Variants in FBXO28 observed in about 807,000 individuals in gnomAD.
The protein encoded by FBXO28 is F-box protein 28.
In FBXO28, 8 loss-of-function variants were observed where a neutral mutation model predicts 38.1. That is an observed-to-expected ratio of 0.21 (90% CI 0.12 to 0.38). The LOEUF (loss-of-function observed/expected upper bound fraction) is 0.38. Ranked by LOEUF, FBXO28 falls within the 10% of genes least tolerant of loss-of-function variation. FBXO28 has a pLI of 1.00. For synonymous variants in FBXO28, 168 were observed against 173.8 expected (o/e 0.97, Z 0.26); for missense variants, 345 against 460.6 (o/e 0.75, Z 2.30).
rs191669653 is a variant in FBXO28, at chr1:224,123,321, A to G, written c.268-7151A>G. Among the ~76,000 whole-genome samples the G allele has an allele frequency of 2.8e-3, 422 of 151,802 alleles. 1 individual carries two copies. Among genetic ancestry groups the G allele is most frequent in the African/African-American group, 9.6e-3 (399 of 41,420 alleles). ...CACTTTGGGAGACCGAGGTGGGTGG[A>G]TCACTTGAGCCCAGGAGGCTGAGGT... On this transcript the variant is annotated intron_variant, in intron 1 of 4. Coordinates refer to ENST00000366862, the MANE Select transcript of FBXO28 (RefSeq NM_015176.4).
At chr1:224,157,229 T>C in intron 4 of FBXO28, 123 bp from the exon 5 acceptor site, 4 of 1,213,928 alleles carry the variant, frequency 3.3e-6, no homozygotes, top group Non-Finnish European at 2.3e-6. Flanking sequence ...ACCAAATGGA[T>C]TGCAAAGAAG....
At chr1:224,149,507 T>C (rs1193549622) in intron 3 of FBXO28, among the ~76,000 whole-genome samples, 10 of 152,178 alleles carry the variant, frequency 6.6e-5, no homozygotes, top group East Asian at 3.8e-4. Context: ...CAAATTCTTG[T>C]GTTGAATTAA....
intron 4 of FBXO28, among the ~76,000 whole-genome samples, chr1:224,155,483 G>A (rs1180111587): frequency 6.6e-6 from 1 of 152,134 alleles, no homozygotes; most frequent in Non-Finnish European, 1.5e-5. Context: ...AAAAGAAAGG[G>A]TTCATAAGGC....
chr1:224,157,117 G>A (rs1019144019), intron 4 of FBXO28, among the ~76,000 whole-genome samples: 12 of 151,844 alleles, frequency 7.9e-5, no homozygotes, highest in Admixed American at 2.0e-4. Flanking sequence ...GCCCTTCTCC[G>A]TTTCCTGGCA....
At chr1:224,118,933 A>G (rs1374129705) in intron 1 of FBXO28, among the ~76,000 whole-genome samples, 1 of 152,114 alleles carries the variant, frequency 6.6e-6, no homozygotes, top group East Asian at 1.9e-4. Context: ...CTTCTGGAAA[A>G]TTCCACTGGA....
At chr1:224,114,620 G>T (rs1055820079) in intron 1 of FBXO28, among the ~76,000 whole-genome samples, 4 of 65,796 alleles carry the variant, frequency 6.1e-5, no homozygotes, top group African/African-American at 1.6e-4. Flanking sequence ...TTCCTGAGGG[G>T]ACTTCGCCTT....
chr1:224,139,344 A>G (rs1657282398), intron 3 of FBXO28, among the ~76,000 whole-genome samples: 1 of 151,726 alleles, frequency 6.6e-6, no homozygotes, highest in Admixed American at 6.6e-5. Context: ...TGTAATTTCA[A>G]GTTTACACAA....
chr1:224,144,077 G>A (rs7518839), intron 3 of FBXO28, among the ~76,000 whole-genome samples: 76,820 of 150,066 alleles, frequency 0.51, 20,656 homozygotes, highest in South Asian at 0.6. Flanking sequence ...CTTGGACCCA[G>A]AGAGAGATGG....
At chr1:224,114,432 C>T in intron 1 of FBXO28, 36 bp downstream of exon 1, 1 of 1,447,458 alleles carries the variant, frequency 6.9e-7, no homozygotes, top group South Asian at 1.3e-5. Context: ...TCCCTCTCCC[C>T]CCGGCCGAGG....
chr1:224,137,071 G>A (rs953217729), intron 3 of FBXO28, among the ~76,000 whole-genome samples: 1 of 151,394 alleles, frequency 6.6e-6, no homozygotes, highest in Non-Finnish European at 1.5e-5. Flanking sequence ...TTTATACTTT[G>A]TTAAGAAAAC....
In FBXO28 at chr1:224,158,605, C is replaced by G. The variant is rs144095091; in HGVS notation, c.*859C>G. 1 of 152,436 alleles carries G rather than the reference C, an allele frequency of 6.6e-6. No individual in the cohort carries two copies. Among genetic ancestry groups the G allele is most frequent in the East Asian group, 1.9e-4 (1 of 5,180 alleles). 9.4% of individuals were successfully genotyped at this position (152,436 alleles called of 1,614,324 possible). On this transcript the variant is annotated 3_prime_UTR_variant, in exon 5 of 5. Transcript: ENST00000366862. ...CCTCCAGTTTTATAGGAACAAGAGA[C>G]TATTAAAGCCCATTGCTTTATCTGC...
At chr1:224,140,660 G>C (rs995499559) in intron 3 of FBXO28, among the ~76,000 whole-genome samples, 1 of 152,024 alleles carries the variant, frequency 6.6e-6, no homozygotes, top group African/African-American at 2.4e-5. Flanking sequence ...AGAGAATATA[G>C]CAGGCCGGGC....
At chr1:224,154,996 T>G (rs1657740416) in intron 4 of FBXO28, among the ~76,000 whole-genome samples, 1 of 151,340 alleles carries the variant, frequency 6.6e-6, no homozygotes, top group Non-Finnish European at 1.5e-5. Flanking sequence ...AAAAAAATCA[T>G]TAAGTTAAAC....
At chr1:224,134,009 T>C in intron 2 of FBXO28, 65 bp from the exon 3 acceptor site, 2 of 1,228,570 alleles carry the variant, frequency 1.6e-6, no homozygotes, top group Non-Finnish European at 2.1e-6. Flanking sequence ...TCTTGATTGC[T>C]TAATATTTTA....
chr1:224,157,751 G>T lies in FBXO28; in HGVS notation c.*5G>T. On this transcript the variant is annotated 3_prime_UTR_variant, in exon 5 of 5. Coordinates refer to ENST00000366862, the MANE Select transcript of FBXO28 (RefSeq NM_015176.4). ...CGTCTTCGGAATAGAAAGTAAATTG[G>T]AATGTGGTTCTAGTTCCAGAGGAAG... 6.3e-7 allele frequency: 1 copy of T among 1,590,836 alleles called. No individual in the cohort carries two copies.
intron 3 of FBXO28, among the ~76,000 whole-genome samples, chr1:224,151,149 AT>A (rs1657639161): frequency 1.3e-5 from 2 of 152,194 alleles, no homozygotes; most frequent in Non-Finnish European, 2.9e-5. Flanking sequence ...CCAGAAATAA[AT>A]ATGTTTTCTC....
intron 3 of FBXO28, among the ~76,000 whole-genome samples, chr1:224,136,754 T>G (rs1307989987): frequency 6.6e-6 from 1 of 151,062 alleles, no homozygotes; most frequent in Non-Finnish European, 1.5e-5. Flanking sequence ...TCAGAAGTCT[T>G]TTTGTTTTTG....
intron 1 of FBXO28, among the ~76,000 whole-genome samples, chr1:224,118,426 TATC>T (rs1415236199): frequency 2.6e-5 from 4 of 152,324 alleles, no homozygotes; most frequent in African/African-American, 9.6e-5. Flanking sequence ...CTGGAGCTCT[TATC>T]ATTTTAATTG....
intron 1 of FBXO28, among the ~76,000 whole-genome samples, chr1:224,129,179 A>G (rs7542293): frequency 0.51 from 77,772 of 151,724 alleles, 20,952 homozygotes; most frequent in South Asian, 0.6. Flanking sequence ...TGTCTCTACT[A>G]AAAATACAAA....
Sources: gnomAD v4.1 joint callset for allele counts (sites outside exome capture counted in the v4.1 genomes callset) on GRCh38, gnomAD v4.1.1 for gene constraint, MANE v1.5 for transcripts, NCBI Gene and HGNC (gene_info 2026-07-23, HGNC 2026-07-21) for gene names.